The following SYNJ1 variants were observed in gnomAD, a reference collection of about 807,000 sequenced individuals.
SYNJ1 encodes the protein polyphosphatidylinositol phosphatase SYNJ1.
SYNJ1 carries 78 observed loss-of-function variants against 168.2 expected under a neutral mutation model. That is an observed-to-expected ratio of 0.46 (90% CI 0.39 to 0.56). SYNJ1 has a LOEUF of 0.56. Among genes scored for constraint, SYNJ1 ranks in the 20% least tolerant of loss-of-function variants. SYNJ1 has a pLI of 0.00. For synonymous variants in SYNJ1, 539 were observed against 548.6 expected (o/e 0.98, Z 0.24); for missense variants, 1,303 against 1,597.6 (o/e 0.82, Z 3.14).
At chr21:32,658,483 G>A (rs978624841) in intron 18 of SYNJ1, 1 of 152,224 alleles carries the variant, frequency 6.6e-6, no homozygotes, top group African/African-American at 2.4e-5. Context: ...TCTTCAATTC[G>A]TTCATGTGAC....
chr21:32,646,409 C>T lies in SYNJ1; in HGVS notation c.3231G>A (p.Gly1077=). The change falls in exon 24 of 33, where the codon GGG becomes GGA. Residue 1077 remains glycine (G), a synonymous_variant. Transcript: ENST00000674351. ...RPSRAPSRTP[G]PPSAQSSPID... ...AATGCATACTCTGTGCACTGGGAGG[C>T]CCAGGAGTTCTTGACGGTGCTCGGC... is the stretch of plus-strand genomic sequence containing the variant. The T allele has an allele frequency of 6.2e-7, 1 of 1,614,106 alleles. No homozygotes were observed. The highest frequency in any genetic ancestry group is 8.5e-7 in the Non-Finnish European group (1 of 1,179,998).
chr21:32,721,162 G>A (rs1337794757), intron 2 of SYNJ1, among the ~76,000 whole-genome samples: 1 of 152,204 alleles, frequency 6.6e-6, no homozygotes, highest in Non-Finnish European at 1.5e-5. Context: ...ACTAGTCACA[G>A]AGCTCACCTG....
chr21:32,711,484 C>T (rs1278837947), intron 2 of SYNJ1, among the ~76,000 whole-genome samples: 1 of 152,070 alleles, frequency 6.6e-6, no homozygotes, highest in African/African-American at 2.4e-5. Flanking sequence ...AGGCGCGCGC[C>T]ACCATGCCCA....
chr21:32,670,417 C>G (rs1190267691), intron 14 of SYNJ1, 45 bp from the exon 15 acceptor site: 6 of 1,433,030 alleles, frequency 4.2e-6, no homozygotes, highest in Non-Finnish European at 5.9e-6. Flanking sequence ...TAGCCTCAGG[C>G]AAATAGCAAC....
Position 32,726,795 on chromosome 21 carries a change from T to C in SYNJ1, c.101A>G (p.Glu34Gly), listed in dbSNP as rs2043476036. 1 of 1,614,158 alleles carries C rather than the reference T, an allele frequency of 6.2e-7. No homozygotes were observed. Among genetic ancestry groups the C allele is most frequent in the African/African-American group, 1.3e-5 (1 of 75,028 alleles). Residue 34 changes from glutamate (E) to glycine (G), a missense_variant, in exon 2 of 33, where the codon GAG (glutamate) becomes GGG (glycine). Around this residue, in one of 2 missense-constraint regions of SYNJ1, gnomAD observed 920 missense variants for 1,208.8 expected, o/e 0.76. Coordinates refer to ENST00000674351, the MANE Select transcript of SYNJ1 (RefSeq NM_203446.3). ...ACAGAGCACAGCGACAGCCCCAGAC[T>C]CGAACATGAGACATTCTTCCTTATG... ...TRHKEECLMF[E>G]SGAVAVLSSA...
At chr21:32,699,002 G>T (rs888834060) in intron 4 of SYNJ1, among the ~76,000 whole-genome samples, 1 of 140,712 alleles carries the variant, frequency 7.1e-6, no homozygotes, top group Non-Finnish European at 1.6e-5. Flanking sequence ...GTGTAGACTG[G>T]GGGGAGCACA....
chr21:32,632,315 C>A (rs1387188442), intron 32 of SYNJ1, among the ~76,000 whole-genome samples: 2 of 151,874 alleles, frequency 1.3e-5, no homozygotes, highest in African/African-American at 4.8e-5. Flanking sequence ...ATATTTTATT[C>A]CTAAGACGAA....
chr21:32,686,789 C>T (rs893015470), intron 8 of SYNJ1, among the ~76,000 whole-genome samples, 189 bp downstream of exon 8: 1 of 152,174 alleles, frequency 6.6e-6, no homozygotes, highest in Admixed American at 6.5e-5. Context: ...TTTAGAATCC[C>T]AATTTCAGCA....
chr21:32,642,147 AG>A lies in SYNJ1; in HGVS notation c.3479-15del. On this transcript the variant is annotated splice_polypyrimidine_tract_variant and intron_variant, in intron 27 of 32. Coordinates refer to ENST00000674351, the MANE Select transcript of SYNJ1 (RefSeq NM_203446.3). ...GGCTTTTGGGTGCTTTGAAGCAAGA[AG>A]GGAAAAAAAAATTAGTTGTAAGTTA... 6.2e-7 allele frequency: 1 copy of A among 1,613,658 alleles called. No individual in the cohort carries two copies. The highest frequency in any genetic ancestry group is 8.5e-7 in the Non-Finnish European group (1 of 1,179,994).
chr21:32,678,502 G>A (rs2041498507), intron 12 of SYNJ1, 143 bp downstream of exon 12: 1 of 841,010 alleles, frequency 1.2e-6, no homozygotes, highest in Admixed American at 3.6e-5. Context: ...TTCCCTTGGA[G>A]AATGTACTTT....
chr21:32,687,888 A>G (rs1397503568), intron 7 of SYNJ1, among the ~76,000 whole-genome samples: 2 of 152,168 alleles, frequency 1.3e-5, no homozygotes, highest in East Asian at 3.8e-4. Context: ...AGATTTTGGT[A>G]TGTGAGGGTA....
chr21:32,640,839 T>C (rs1367469346), intron 29 of SYNJ1, among the ~76,000 whole-genome samples: 2 of 152,238 alleles, frequency 1.3e-5, no homozygotes, highest in African/African-American at 4.8e-5. Flanking sequence ...TATTTTCATA[T>C]GTTTGCTGAA....
At chr21:32,688,115 G>A (rs574470417) in intron 7 of SYNJ1, among the ~76,000 whole-genome samples, 191 bp downstream of exon 7, 7 of 152,110 alleles carry the variant, frequency 4.6e-5, no homozygotes, top group African/African-American at 1.7e-4. Flanking sequence ...AAGGTCAAGA[G>A]ATCAAGACCC....
rs1195698677 is a variant in SYNJ1, at chr21:32,722,205, AAT to A, written c.124+4565_124+4566del. Among the ~76,000 whole-genome samples, 386 of 65,640 alleles carry A rather than the reference AAT, an allele frequency of 5.9e-3. 2 individuals are homozygous for A. The highest frequency in any genetic ancestry group is 0.017 in the Middle Eastern group (2 of 116). The allele number at this position is 65,640 out of a possible 152,430, so 43.1% of individuals were successfully genotyped here. On this transcript the variant is annotated intron_variant, in intron 2 of 32. Transcript: ENST00000674351. ...CATCTCAAAGAAAAAAAAAAAAAAA[AAT>A]ATATATATATATATATATATATATA... is the stretch of plus-strand genomic sequence containing the variant.
intron 2 of SYNJ1, 139 bp downstream of exon 2, chr21:32,726,633 A>G: frequency 1.8e-6 from 2 of 1,135,792 alleles, no homozygotes; most frequent in Non-Finnish European, 2.4e-6. Flanking sequence ...AAGTTTGATT[A>G]AAAGGAAATA....
chr21:32,649,467 A>G (rs1601280032), intron 23 of SYNJ1, among the ~76,000 whole-genome samples: 1 of 152,230 alleles, frequency 6.6e-6, no homozygotes. Context: ...TTCTTTTGAT[A>G]ATGTTGCCAT....
At chr21:32,725,312 G>T (rs1198242996) in intron 2 of SYNJ1, among the ~76,000 whole-genome samples, 1 of 152,000 alleles carries the variant, frequency 6.6e-6, no homozygotes, top group Non-Finnish European at 1.5e-5. Flanking sequence ...TTTTAATTCA[G>T]AATTCATCAG....
Position 32,685,759 on chromosome 21 carries a change from A to G in SYNJ1, c.1107T>C (p.Ser369=), listed in dbSNP as rs765505109. ...LDYGFFYFNG[S]EVQRCQSGTV... is the part of the protein sequence containing the mutation. ...CAGAACAGTCAAACCTTTGAACTTCACTTCCATTGAAATAAAAAAATCCAT... is the reference window on the plus strand; with the variant it reads ...CAGAACAGTCAAACCTTTGAACTTCGCTTCCATTGAAATAAAAAAATCCAT... Residue 369 remains serine, a synonymous_variant, in exon 9 of 33, where the codon AGT becomes AGC. Transcript: ENST00000674351. The G allele has an allele frequency of 6.2e-7, 1 of 1,604,952 alleles. No homozygotes were observed. The highest frequency in any genetic ancestry group is 1.1e-5 in the South Asian group (1 of 88,920).
intron 2 of SYNJ1, among the ~76,000 whole-genome samples, chr21:32,704,269 C>T (rs1407520826): frequency 6.6e-6 from 1 of 152,134 alleles, no homozygotes; most frequent in Non-Finnish European, 1.5e-5. Context: ...TATTCGGACA[C>T]TCAGGAAACA....
Sources: allele counts gnomAD v4.1 joint callset (sites outside exome capture counted in the v4.1 genomes callset), GRCh38; gene constraint gnomAD v4.1.1; regional missense constraint gnomAD v4.1.1; transcripts MANE v1.5; gene names NCBI Gene and HGNC (gene_info 2026-07-23, HGNC 2026-07-21).